TXNDC16: variants seen among roughly 807,000 people sequenced by gnomAD.
TXNDC16 encodes thioredoxin domain-containing protein 16.
TXNDC16 carries 74 observed loss-of-function variants against 85.6 expected under a neutral mutation model. The ratio of observed to expected loss-of-function variants is 0.86; its 90% CI spans 0.72 to 1.05. The LOEUF (loss-of-function observed/expected upper bound fraction) is 1.05. TXNDC16 is among the 50% of genes least tolerant of loss of function. TXNDC16 has a pLI of 0.00. For synonymous variants in TXNDC16, 335 were observed against 326.5 expected (o/e 1.03, Z -0.28); for missense variants, 959 against 947.0 (o/e 1.01, Z -0.17).
At position 52,439,263 on chromosome 14, in the gene TXNDC16, A is replaced by G. The variant is rs903646885; in HGVS notation, c.2135T>C (p.Ile712Thr). 3.1e-6 allele frequency: 5 copies of G among 1,613,992 alleles called. No individual in the cohort carries two copies. Among genetic ancestry groups the G allele is most frequent in the Non-Finnish European group, 3.4e-6 (4 of 1,180,018 alleles). ...CAGCCACAATACAAGGTTTTCTTCA[A>G]TTATAGCCTGGTCTGAAGGAAATGC... ...VFAFPSDQAI[I>T]EENLVLWLKK... is the part of the protein sequence containing the mutation. The change falls in exon 20 of 21, where the codon ATT (isoleucine) becomes ACT (threonine). Residue 712 changes from isoleucine (I) to threonine (T), a missense_variant. Transcript: ENST00000281741.
At chr14:52,454,333 A>G (rs894876186) in intron 18 of TXNDC16, among the ~76,000 whole-genome samples, 1 of 151,832 alleles carries the variant, frequency 6.6e-6, no homozygotes, top group Non-Finnish European at 1.5e-5. Context: ...AGCTGAAGCA[A>G]GAGAATCACT....
chr14:52,475,648 C>G (rs2036004349), intron 14 of TXNDC16, among the ~76,000 whole-genome samples: 1 of 152,106 alleles, frequency 6.6e-6, no homozygotes, highest in Non-Finnish European at 1.5e-5. Context: ...CCTCATCCCC[C>G]ACAGCAGACG....
intron 4 of TXNDC16, among the ~76,000 whole-genome samples, chr14:52,539,592 A>C (rs940953410): frequency 3.9e-5 from 6 of 152,226 alleles, no homozygotes; most frequent in African/African-American, 1.4e-4. Context: ...CATGGGACAA[A>C]GTGAAGGAAG....
intron 6 of TXNDC16, among the ~76,000 whole-genome samples, chr14:52,535,332 T>C (rs1231570709): frequency 2.0e-5 from 3 of 152,150 alleles, no homozygotes; most frequent in Non-Finnish European, 1.5e-5. Context: ...CTCATTACGA[T>C]TGGCTCGTTA....
At chr14:52,524,251 G>C (rs941008403) in intron 6 of TXNDC16, among the ~76,000 whole-genome samples, 4 of 152,132 alleles carry the variant, frequency 2.6e-5, no homozygotes, top group Admixed American at 1.3e-4. Context: ...GCAATAATGT[G>C]TTAAAGAATA....
intron 9 of TXNDC16, among the ~76,000 whole-genome samples, chr14:52,493,457 G>GTTGGGA (rs2036460776): frequency 6.6e-6 from 1 of 151,972 alleles, no homozygotes; most frequent in Non-Finnish European, 1.5e-5. Context: ...CAACCTCAAG[G>GTTGGGA]AGATGGGAAG....
chr14:52,488,374 C>G lies in TXNDC16; in HGVS notation c.1097G>C (p.Gly366Ala). The change falls in exon 12 of 21, where the codon GGT becomes GCT. Residue 366 changes from glycine to alanine, a missense_variant. Gly to Ala is a moderately conservative substitution (Grantham distance 60, BLOSUM62 0). Transcript: ENST00000281741. ...IQEDEDNDME[G>A]PDIDVQDDEV... ...TCATAACACATTACCTATATCTGGA[C>G]CTTCCATGTCATTGTCTTCATCTTC... is the stretch of plus-strand genomic sequence containing the variant. 1 of 1,613,406 alleles carries G rather than the reference C, an allele frequency of 6.2e-7. No individual in the cohort carries two copies. Among genetic ancestry groups the G allele is most frequent in the South Asian group, 1.1e-5 (1 of 91,024 alleles).
At chr14:52,530,287 T>G (rs1381534931) in intron 6 of TXNDC16, among the ~76,000 whole-genome samples, 1 of 63,550 alleles carries the variant, frequency 1.6e-5, no homozygotes, top group African/African-American at 6.9e-5. Flanking sequence ...TAATATATAA[T>G]TATTATATAT....
chr14:52,460,723 AC>A (rs1305388792), intron 16 of TXNDC16, among the ~76,000 whole-genome samples: 2 of 146,852 alleles, frequency 1.4e-5, no homozygotes, highest in Non-Finnish European at 3.0e-5. Flanking sequence ...AAAAGCAAAG[AC>A]CTTTATTTGT....
chr14:52,499,283 A>C (rs1051867170), intron 9 of TXNDC16, among the ~76,000 whole-genome samples: 1 of 152,198 alleles, frequency 6.6e-6, no homozygotes, highest in African/African-American at 2.4e-5. Context: ...TGGATATGAC[A>C]ACAAAAGCAC....
chr14:52,551,221 C>G (rs961755757), intron 1 of TXNDC16, among the ~76,000 whole-genome samples: 2 of 151,682 alleles, frequency 1.3e-5, no homozygotes, highest in Admixed American at 1.3e-4. Flanking sequence ...CTGTGGAATA[C>G]TTAGCTAGGA....
chr14:52,511,843 C>G (rs1417850103), intron 8 of TXNDC16, among the ~76,000 whole-genome samples: 1 of 152,106 alleles, frequency 6.6e-6, no homozygotes, highest in Non-Finnish European at 1.5e-5. Flanking sequence ...CCAAAACATT[C>G]TAAAATAGAA....
chr14:52,433,200 C>G (rs894597756), intron 20 of TXNDC16, among the ~76,000 whole-genome samples: 2 of 152,090 alleles, frequency 1.3e-5, no homozygotes, highest in African/African-American at 4.8e-5. Flanking sequence ...GTGGAATCAA[C>G]TGTACTATAC....
At chr14:52,502,613 T>C (rs1383911633) in intron 9 of TXNDC16, among the ~76,000 whole-genome samples, 3 of 152,160 alleles carry the variant, frequency 2.0e-5, no homozygotes, top group African/African-American at 4.8e-5. Context: ...GATGGCCAAA[T>C]AGGAACAGCT....
chr14:52,458,255 T>C (rs2035577545), intron 16 of TXNDC16, among the ~76,000 whole-genome samples: 1 of 152,110 alleles, frequency 6.6e-6, no homozygotes. Flanking sequence ...TCATTTACAA[T>C]CACAGATTTA....
intron 14 of TXNDC16, among the ~76,000 whole-genome samples, chr14:52,471,576 A>G (rs1427146781): frequency 6.6e-6 from 1 of 152,150 alleles, no homozygotes; most frequent in South Asian, 2.1e-4. Context: ...CTCCTTATGT[A>G]ATTATATACT....
intron 7 of TXNDC16, among the ~76,000 whole-genome samples, chr14:52,515,420 G>C: frequency 6.6e-6 from 1 of 151,666 alleles, no homozygotes; most frequent in Admixed American, 6.6e-5. Flanking sequence ...ATTCTTTCCA[G>C]TAGTAGGGAA....
chr14:52,530,615 A>ATGTG (rs201877909), intron 6 of TXNDC16, among the ~76,000 whole-genome samples: 1 of 53,170 alleles, frequency 1.9e-5, no homozygotes, highest in Non-Finnish European at 3.1e-5. Context: ...TAGTATATAT[A>ATGTG]TGTGTGTGTA....
At chr14:52,458,928 G>T (rs886901275) in intron 16 of TXNDC16, among the ~76,000 whole-genome samples, 3 of 152,136 alleles carry the variant, frequency 2.0e-5, no homozygotes, top group African/African-American at 7.2e-5. Flanking sequence ...TATGACTGTA[G>T]ATCTCAGATG....
Sources: allele counts gnomAD v4.1 joint callset (sites outside exome capture counted in the v4.1 genomes callset), GRCh38; gene constraint gnomAD v4.1.1; transcripts MANE v1.5; gene names NCBI Gene and HGNC (gene_info 2026-07-23, HGNC 2026-07-21).